N4BP2: variants seen among roughly 807,000 people sequenced by gnomAD.
N4BP2 encodes the protein NEDD4-binding protein 2.
A neutral mutation model predicts 152.8 loss-of-function variants in N4BP2; 91 were observed. The ratio of observed to expected loss-of-function variants is 0.60; its 90% CI spans 0.50 to 0.71. The LOEUF (loss-of-function observed/expected upper bound fraction) is 0.71. Among genes scored for constraint, N4BP2 ranks in the 30% least tolerant of loss-of-function variants. The probability of loss-of-function intolerance (pLI) is 0.00; values close to 1 mark genes in which losing one functional copy is unlikely to be tolerated. For synonymous variants in N4BP2, 646 were observed against 705.3 expected (o/e 0.92, Z 1.33); for missense variants, 1,923 against 2,059.1 (o/e 0.93, Z 1.28).
At chr4:40,091,242 A>G (rs1578999723) in intron 2 of N4BP2, among the ~76,000 whole-genome samples, 1 of 152,092 alleles carries the variant, frequency 6.6e-6, no homozygotes, top group African/African-American at 2.4e-5. Flanking sequence ...CCTAATCTAT[A>G]TGCGTTTTAT....
At chr4:40,131,296 A>G (rs941911380) in intron 12 of N4BP2, among the ~76,000 whole-genome samples, 1 of 152,214 alleles carries the variant, frequency 6.6e-6, no homozygotes, top group Non-Finnish European at 1.5e-5. Context: ...TTTGGCCACT[A>G]AGAGTCTCAG....
chr4:40,176,077 G>A, the N4BP2 span, among the ~76,000 whole-genome samples: 1 of 139,646 alleles, frequency 7.2e-6, no homozygotes, highest in African/African-American at 2.7e-5. Context: ...GCGACAGAGC[G>A]AGACTCCGTC....
At chr4:40,154,062 C>T (rs1721401513) in intron 17 of N4BP2, 130 bp from the exon 18 acceptor site, 1 of 633,902 alleles carries the variant, frequency 1.6e-6, no homozygotes. Context: ...TGGATATTGA[C>T]TTAATAAGGG....
chr4:40,159,508 C>A (rs1721797752), downstream of N4BP2, among the ~76,000 whole-genome samples: 1 of 152,156 alleles, frequency 6.6e-6, no homozygotes. Context: ...GTGGCTACAT[C>A]TCTAACTGTC....
the N4BP2 span, among the ~76,000 whole-genome samples, chr4:40,176,738 GGA>G: frequency 6.6e-6 from 1 of 152,182 alleles, no homozygotes; most frequent in Non-Finnish European, 1.5e-5. Flanking sequence ...CAGCCATGTG[GGA>G]GAGGGTCCCT....
chr4:40,172,445 T>G, the N4BP2 span, among the ~76,000 whole-genome samples: 15 of 152,040 alleles, frequency 9.9e-5, no homozygotes, highest in Non-Finnish European at 2.2e-4. Context: ...CCACACAAGT[T>G]AAAATGGGGG....
intron 2 of N4BP2, among the ~76,000 whole-genome samples, chr4:40,081,212 A>G (rs144711327): frequency 1.7e-3 from 259 of 152,272 alleles, no homozygotes; most frequent in African/African-American, 5.8e-3. Flanking sequence ...CATATAAAAA[A>G]TATATTAAAA....
intron 5 of N4BP2, among the ~76,000 whole-genome samples, chr4:40,110,401 C>A (rs1716755928): frequency 6.6e-6 from 1 of 152,192 alleles, no homozygotes; most frequent in Admixed American, 6.5e-5. Flanking sequence ...TCCTCACCAA[C>A]ACTTGTTATT....
chr4:40,147,214 G>A (rs1172353767), intron 16 of N4BP2, among the ~76,000 whole-genome samples: 2 of 149,552 alleles, frequency 1.3e-5, no homozygotes, highest in Non-Finnish European at 3.0e-5. Context: ...GTTTCAGAGA[G>A]CACAGGGTTG....
chr4:40,131,582 G>GTA (rs1491025119), intron 12 of N4BP2, among the ~76,000 whole-genome samples: 1 of 150,442 alleles, frequency 6.6e-6, no homozygotes, highest in Non-Finnish European at 1.5e-5. Context: ...GTGTGTGTGT[G>GTA]TATATTTATA....
At chr4:40,178,158 C>CAACA in the N4BP2 span, among the ~76,000 whole-genome samples, 13,119 of 151,782 alleles carry the variant, frequency 0.086, 609 homozygotes, top group African/African-American at 0.12. Flanking sequence ...AGACTGGGTC[C>CAACA]AACAAACAAA....
At chr4:40,152,232 G>C (rs1056085474) in intron 16 of N4BP2, among the ~76,000 whole-genome samples, 1 of 152,176 alleles carries the variant, frequency 6.6e-6, no homozygotes, top group Non-Finnish European at 1.5e-5. Flanking sequence ...TAAACTAGTT[G>C]CTATCATTAT....
At chr4:40,171,500 T>C in the N4BP2 span, among the ~76,000 whole-genome samples, 2 of 152,184 alleles carry the variant, frequency 1.3e-5, no homozygotes, top group African/African-American at 4.8e-5. Context: ...GGCTGGGTGT[T>C]ATGGCTTGAA....
intron 5 of N4BP2, among the ~76,000 whole-genome samples, chr4:40,110,103 C>T (rs1716727765): frequency 6.6e-6 from 1 of 152,184 alleles, no homozygotes; most frequent in Non-Finnish European, 1.5e-5. Flanking sequence ...TGGCTTCTTT[C>T]ACTTAGTATA....
At chr4:40,081,636 A>G (rs1319028902) in intron 2 of N4BP2, among the ~76,000 whole-genome samples, 1 of 151,640 alleles carries the variant, frequency 6.6e-6, no homozygotes, top group African/African-American at 2.4e-5. Flanking sequence ...ACAGTGTGAG[A>G]CTGTCTCAAA....
At chr4:40,183,487 T>C in the N4BP2 span, among the ~76,000 whole-genome samples, 1 of 152,004 alleles carries the variant, frequency 6.6e-6, no homozygotes, top group African/African-American at 2.4e-5. Context: ...AGGAGCCCGC[T>C]ACCGTGCCCA....
At chr4:40,150,048 CTGTCAGT>C in intron 16 of N4BP2, among the ~76,000 whole-genome samples, 1 of 152,292 alleles carries the variant, frequency 6.6e-6, no homozygotes, top group African/African-American at 2.4e-5. Flanking sequence ...TCTGTAGTTA[CTGTCAGT>C]CACCACCAGG....
At chr4:40,098,259 A>G (rs184227180) in intron 3 of N4BP2, among the ~76,000 whole-genome samples, 28 of 152,344 alleles carry the variant, frequency 1.8e-4, no homozygotes, top group Middle Eastern at 6.8e-3. Flanking sequence ...GAGTCAAGAA[A>G]CGTGGGTTGG....
chr4:40,176,789 T>C, the N4BP2 span, among the ~76,000 whole-genome samples: 1 of 152,304 alleles, frequency 6.6e-6, no homozygotes, highest in African/African-American at 2.4e-5. Flanking sequence ...AGGTGGAGCC[T>C]CGGGAAGTTC....
Sources: gnomAD v4.1 joint callset for allele counts (sites outside exome capture counted in the v4.1 genomes callset) on GRCh38, gnomAD v4.1.1 for gene constraint, MANE v1.5 for transcripts, NCBI Gene and HGNC (gene_info 2026-07-23, HGNC 2026-07-21) for gene names.